ASIC2: variants seen among roughly 807,000 people sequenced by gnomAD.
ASIC2 encodes the protein acid-sensing ion channel 2.
In ASIC2, 25 loss-of-function variants were observed where a neutral mutation model predicts 57.3. The ratio of observed to expected loss-of-function variants is 0.44; its 90% confidence interval spans 0.32 to 0.61. ASIC2 has a LOEUF of 0.61. Among genes scored for constraint, ASIC2 ranks in the 20% least tolerant of loss-of-function variants. ASIC2 has a pLI of 0.06. For missense variants in ASIC2, 641 were observed against 738.1 expected (o/e 0.87, Z 1.52); for synonymous variants, 319 against 307.5 (o/e 1.04, Z -0.39).
rs1337885049 is a variant in ASIC2 at position 34,156,283 on chromosome 17, G to A, written c.250C>T (p.Leu84=). 1.9e-6 allele frequency: 3 copies of A among 1,614,098 alleles called. No individual in the cohort carries two copies. The highest frequency in any genetic ancestry group is 1.3e-5 in the African/African-American group (1 of 74,938). Residue 84 remains leucine, a synonymous_variant, in exon 1 of 10, where the codon CTG becomes TTG. Transcript: ENST00000359872. The surrounding 1 kb of genome is among the most constrained non-coding windows in gnomAD (Gnocchi z 4.4). ...CAGAGGGTCACAGCTGGGAAGACCAGGCTTTGAGCCACCACTTCGTCCACC... is the reference window on the plus strand; with the variant it reads ...CAGAGGGTCACAGCTGGGAAGACCAAGCTTTGAGCCACCACTTCGTCCACC...
intron 1 of ASIC2, among the ~76,000 whole-genome samples, chr17:33,160,271 T>C (rs1192588016): frequency 6.6e-6 from 1 of 152,086 alleles, no homozygotes; most frequent in African/African-American, 2.4e-5. Context: ...TTATTGTTAA[T>C]ATTTTTAGGT....
At chr17:33,789,830 G>C (rs1410733026) in intron 1 of ASIC2, among the ~76,000 whole-genome samples, 3 of 152,166 alleles carry the variant, frequency 2.0e-5, no homozygotes, top group Admixed American at 2.0e-4. Flanking sequence ...TGGTGTAGGA[G>C]TGGCTTCCAG....
At chr17:33,256,387 G>T (rs1265444384) in intron 1 of ASIC2, among the ~76,000 whole-genome samples, 1 of 152,206 alleles carries the variant, frequency 6.6e-6, no homozygotes, top group Non-Finnish European at 1.5e-5. Context: ...AGAGACACAA[G>T]AAATGATTGG....
intron 1 of ASIC2, among the ~76,000 whole-genome samples, chr17:33,448,137 G>C (rs1037476757): frequency 3.9e-5 from 6 of 151,940 alleles, no homozygotes; most frequent in Admixed American, 3.9e-4. Flanking sequence ...GGAGAAACCA[G>C]GCATTTGTCC....
chr17:33,419,760 T>C (rs773158670), intron 1 of ASIC2, among the ~76,000 whole-genome samples: 10 of 152,198 alleles, frequency 6.6e-5, no homozygotes, highest in Non-Finnish European at 1.2e-4. Flanking sequence ...CAGTAGAGGA[T>C]TGGTCACATA....
chr17:33,255,282 CA>C (rs964365923), intron 1 of ASIC2, among the ~76,000 whole-genome samples: 3 of 151,940 alleles, frequency 2.0e-5, no homozygotes, highest in Non-Finnish European at 4.4e-5. Context: ...TCAAATGATC[CA>C]CTCACCTCGG....
intron 1 of ASIC2, among the ~76,000 whole-genome samples, chr17:33,665,692 A>G (rs1054209841): frequency 2.0e-5 from 3 of 152,222 alleles, no homozygotes; most frequent in African/African-American, 7.2e-5. Context: ...TTTTCCAAGC[A>G]AGTTCAGTGG....
chr17:33,286,323 G>A (rs1262877431), intron 1 of ASIC2, among the ~76,000 whole-genome samples: 4 of 152,198 alleles, frequency 2.6e-5, no homozygotes, highest in Non-Finnish European at 4.4e-5. Context: ...GCAGGGAGGA[G>A]TGGCTTCTCA....
rs184021615 is a variant in ASIC2, at chr17:33,434,429, T to C, written c.556-322362A>G. 1.3e-4 allele frequency among the ~76,000 whole-genome samples: 20 copies of C among 152,242 alleles called. No individual in the cohort carries two copies. The East Asian group carries it at 3.5e-3, about 26-fold the overall frequency. The stretch of plus-strand genomic sequence containing the variant: ...ATATTCTGGTAAAATTACTGCACTT[T>C]AAGAAGAAAAAATTATTTAGGCATC... On this transcript the variant is annotated intron_variant, in intron 1 of 9. Transcript: ENST00000359872.
intron 3 of ASIC2, among the ~76,000 whole-genome samples, chr17:33,061,995 A>G (rs2092022678): frequency 6.6e-6 from 1 of 152,106 alleles, no homozygotes; most frequent in South Asian, 2.1e-4. Flanking sequence ...TTTCTGTGGG[A>G]TCGGTGGTGA....
At chr17:34,095,633 T>TTATATATATATATATATATAATTTTA (rs1910498877) in intron 1 of ASIC2, among the ~76,000 whole-genome samples, 6 of 98,182 alleles carry the variant, frequency 6.1e-5, no homozygotes, top group African/African-American at 2.1e-4. Flanking sequence ...ATATATAATT[T>TTATATATATATATATATATAATTTTA]TATATATATA....
intron 1 of ASIC2, among the ~76,000 whole-genome samples, chr17:33,206,793 G>GA (rs1907078166): frequency 2.0e-5 from 3 of 152,158 alleles, no homozygotes; most frequent in Non-Finnish European, 4.4e-5. Flanking sequence ...TCCTGGATGA[G>GA]TTACTGGAGA....
At chr17:33,900,476 C>G (rs993253723) in intron 1 of ASIC2, among the ~76,000 whole-genome samples, 1 of 152,050 alleles carries the variant, frequency 6.6e-6, no homozygotes, top group African/African-American at 2.4e-5. Flanking sequence ...AAAATAAATG[C>G]CCTACTGTGG....
intron 1 of ASIC2, among the ~76,000 whole-genome samples, chr17:33,790,819 T>C (rs189739634): frequency 2.6e-5 from 4 of 152,320 alleles, no homozygotes; most frequent in Admixed American, 6.5e-5. Context: ...AATATTAGAA[T>C]CTCATACTGA....
At chr17:34,047,839 A>G (rs180705897) in intron 1 of ASIC2, among the ~76,000 whole-genome samples, 1 of 152,324 alleles carries the variant, frequency 6.6e-6, no homozygotes, top group Non-Finnish European at 1.5e-5. Flanking sequence ...ATAAACTTGT[A>G]AAAGAAACAA....
intron 1 of ASIC2, among the ~76,000 whole-genome samples, chr17:33,374,944 A>T (rs1909223762): frequency 6.6e-6 from 1 of 152,216 alleles, no homozygotes; most frequent in East Asian, 1.9e-4. Flanking sequence ...CCGACAAGGA[A>T]ACAGAAGCCC....
intron 1 of ASIC2, among the ~76,000 whole-genome samples, chr17:33,510,263 C>A (rs943734920): frequency 2.6e-5 from 4 of 152,200 alleles, no homozygotes; most frequent in Non-Finnish European, 4.4e-5. Context: ...CAGACAGATT[C>A]ATCTTTCTAA....
intron 1 of ASIC2, among the ~76,000 whole-genome samples, chr17:33,503,645 C>A (rs1914166010): frequency 6.6e-6 from 1 of 152,152 alleles, no homozygotes; most frequent in Non-Finnish European, 1.5e-5. Context: ...CAAATCAAAA[C>A]CTCTTGGAGC....
intron 2 of ASIC2, among the ~76,000 whole-genome samples, chr17:33,089,460 C>A (rs189147609): frequency 4.2e-4 from 64 of 152,250 alleles, no homozygotes; most frequent in African/African-American, 1.4e-3. Flanking sequence ...TTTTATTGAG[C>A]CTAGGGAAAT....
Sources: allele counts gnomAD v4.1 joint callset (sites outside exome capture counted in the v4.1 genomes callset), GRCh38; gene constraint gnomAD v4.1.1; non-coding constraint Gnocchi (gnomAD v3.1); transcripts MANE v1.5; gene names NCBI Gene and HGNC (gene_info 2026-07-23, HGNC 2026-07-21).